FAM221A: variants seen among roughly 807,000 people sequenced by gnomAD.
The protein encoded by FAM221A is family with sequence similarity 221 member A.
Under a neutral mutation model 37.6 loss-of-function variants are expected in FAM221A, and 43 were observed. The ratio of observed to expected loss-of-function variants is 1.15; its 90% CI spans 0.90 to 1.48. FAM221A has a LOEUF of 1.48. Among genes scored for constraint, FAM221A ranks in the 40% most tolerant of loss-of-function variants. FAM221A has a pLI of 0.00. For synonymous variants in FAM221A, 135 were observed against 132.9 expected (o/e 1.02, Z -0.11); for missense variants, 361 against 361.5 (o/e 1.00, Z 0.01).
At chr7:23,689,159 A>G in intron 2 of FAM221A, 110 bp from the exon 3 acceptor site, 1 of 670,776 alleles carries the variant, frequency 1.5e-6, no homozygotes, top group Non-Finnish European at 2.3e-6. Flanking sequence ...ATGAAGAATA[A>G]TAAAGCAATA....
chr7:23,680,244 G>C lies in FAM221A; in HGVS notation c.26G>C (p.Gly9Ala). The C allele has an allele frequency of 2.6e-6, 4 of 1,549,402 alleles. No individual in the cohort carries two copies. The highest frequency in any genetic ancestry group is 3.5e-6 in the Non-Finnish European group (4 of 1,146,078). MERLTLPL[G>A]GAAAVDEYLE... ...ATGGAGCGGTTGACGTTGCCTCTCG[G>C]CGGCGCGGCGGCGGTGGACGAGTAC... The change falls in exon 1 of 7, where the codon GGC becomes GCC. Residue 9 changes from glycine to alanine, a missense_variant. Physicochemically the swap from Gly to Ala is moderately conservative, Grantham distance 60. Transcript: ENST00000344962.
rs561482841 is a variant in FAM221A, at chr7:23,690,082, A to T, written c.430+623A>T. Among the ~76,000 whole-genome samples, 19 of 150,214 alleles carry T rather than the reference A, an allele frequency of 1.3e-4. 1 individual carries two copies. In the South Asian group the frequency reaches 2.3e-3, roughly 18 times the overall value. ...CTTATGGTGAAGTGTGTAATAAAACATTTTTAATGACAGTGGCAGGAATAA... is the reference window on the plus strand; with the variant it reads ...CTTATGGTGAAGTGTGTAATAAAACTTTTTTAATGACAGTGGCAGGAATAA... On this transcript the variant is annotated intron_variant, in intron 3 of 6. Transcript: ENST00000344962.
chr7:23,681,258 G>A (rs1212443707), intron 1 of FAM221A, among the ~76,000 whole-genome samples: 1 of 152,170 alleles, frequency 6.6e-6, no homozygotes, highest in African/African-American at 2.4e-5. Flanking sequence ...TTAGCCTCCA[G>A]TTCTCCAGAG....
At position 23,702,031 on chromosome 7, in the gene FAM221A, T is replaced by C. The variant is rs1284872880; in HGVS notation, c.829-65T>C. 2.6e-5 allele frequency: 29 copies of C among 1,134,180 alleles called. No homozygotes were observed. The East Asian group carries it at 7.9e-4, about 31-fold the overall frequency. 70.3% of individuals were successfully genotyped at this position (1,134,180 alleles called of 1,614,324 possible). On this transcript the variant is annotated intron_variant, in intron 6 of 6. Transcript: ENST00000344962. ...GTGACATGAATCTGAATGAGTTTTC[T>C]GCAAGTTTTTTTTCTTTAGAATGGT...
At chr7:23,701,325 C>T (rs1245700227) in intron 6 of FAM221A, among the ~76,000 whole-genome samples, 5 of 149,920 alleles carry the variant, frequency 3.3e-5, no homozygotes, top group Non-Finnish European at 4.4e-5. Flanking sequence ...CTGCAAGCTC[C>T]GCCTCCCGGG....
rs375353549 is a variant in FAM221A at position 23,698,235 on chromosome 7, A to G, written c.681A>G (p.Val227=). The G allele has an allele frequency of 1.9e-5, 31 of 1,599,684 alleles. No homozygotes were observed. In the African/African-American group the frequency reaches 4.0e-4, roughly 21 times the overall value. The change falls in exon 5 of 7, where the codon GTA becomes GTG. Residue 227 remains valine, a synonymous_variant. Transcript: ENST00000344962. ...VEFLESPITA[V]DSPFLKAFQA... is the part of the protein sequence containing the mutation. ...TTTTAGAATCTCCCATTACGGCAGT[A>G]GACAGCCCATTCCTAAAAGCATTTC...
At chr7:23,690,068 G>T (rs1784622360) in intron 3 of FAM221A, among the ~76,000 whole-genome samples, 1 of 150,670 alleles carries the variant, frequency 6.6e-6, no homozygotes, top group Non-Finnish European at 1.5e-5. Context: ...TTATGGTGAA[G>T]TGTGTAATAA....
rs1562528738 is a variant in FAM221A at position 23,698,203 on chromosome 7, G to T, written c.649G>T (p.Val217Phe). Residue 217 changes from valine (V) to phenylalanine (F), a missense_variant, in exon 5 of 7, where the codon GTT becomes TTT. By Grantham distance (50) the Val-to-Phe change is conservative. Coordinates refer to ENST00000344962, the MANE Select transcript of FAM221A (RefSeq NM_199136.5). ...TATTGTTTTCTCAGGTGTACCTTCAGTTGAATTTTTAGAATCTCCCATTAC... is the reference window on the plus strand; with the variant it reads ...TATTGTTTTCTCAGGTGTACCTTCATTTGAATTTTTAGAATCTCCCATTAC... ...LDDSGIGVPS[V>F]EFLESPITAV... 3.2e-6 allele frequency: 5 copies of T among 1,569,632 alleles called. No homozygotes were observed. Among genetic ancestry groups the T allele is most frequent in the Non-Finnish European group, 4.4e-6 (5 of 1,145,124 alleles).
Position 23,692,562 on chromosome 7 carries a change from G to A in FAM221A, c.637+966G>A, listed in dbSNP as rs1056220517. The stretch of plus-strand genomic sequence containing the variant: ...TCTCCATGTTGGTCAGGCTGGTCTC[G>A]AACTCCTGACCTCAGGTGATCTGCC... On this transcript the variant is annotated intron_variant, in intron 4 of 6. Transcript: ENST00000344962. 12 of 564,482 alleles carry A rather than the reference G, an allele frequency of 2.1e-5. No individual in the cohort carries two copies. The South Asian group carries it at 4.8e-4, about 22-fold the overall frequency. 35.0% of individuals were successfully genotyped at this position (564,482 alleles called of 1,614,324 possible). A position where few individuals can be genotyped will look rare whatever the true frequency, so the allele number is the denominator to read the frequency against.
intron 2 of FAM221A, among the ~76,000 whole-genome samples, chr7:23,685,519 T>C (rs1303140152): frequency 6.6e-6 from 1 of 152,142 alleles, no homozygotes; most frequent in African/African-American, 2.4e-5. Flanking sequence ...AGAGAATGGG[T>C]CATCAGATTG....
chr7:23,692,716 A>G, intron 4 of FAM221A: 1 of 983,658 alleles, frequency 1.0e-6, no homozygotes, highest in Non-Finnish European at 1.2e-6. Context: ...ATTAAGTGCA[A>G]AACACCCTTG....
At chr7:23,701,086 T>C (rs1409878216) in intron 6 of FAM221A, among the ~76,000 whole-genome samples, 2 of 152,192 alleles carry the variant, frequency 1.3e-5, no homozygotes, top group African/African-American at 2.4e-5. Flanking sequence ...CCATAAAGAT[T>C]GGATAAATAC....
At chr7:23,690,314 C>T (rs549804424) in intron 3 of FAM221A, among the ~76,000 whole-genome samples, 3 of 150,678 alleles carry the variant, frequency 2.0e-5, no homozygotes, top group Non-Finnish European at 4.4e-5. Flanking sequence ...AAGTGATGCT[C>T]CTGCCTCAGC....
rs1162135423 is a variant in FAM221A at position 23,689,253 on chromosome 7, C to T, written c.240-16C>T. The T allele has an allele frequency of 6.7e-7, 1 of 1,493,972 alleles. No homozygotes were observed. The highest frequency in any genetic ancestry group is 1.4e-5 in the African/African-American group (1 of 73,300). 92.5% of individuals were successfully genotyped at this position (1,493,972 alleles called of 1,614,324 possible). On this transcript the variant is annotated splice_polypyrimidine_tract_variant and intron_variant, in intron 2 of 6. Transcript: ENST00000344962. ...CTGTATTGTGTTTATATTTCTCTCT[C>T]TTTCTCCTTTTTTAGGTATAAACAA...
chr7:23,703,054 G>C (rs1238209042), downstream of FAM221A: 1 of 152,158 alleles, frequency 6.6e-6, no homozygotes, highest in African/African-American at 2.4e-5. Flanking sequence ...GTGCTCTCCC[G>C]TCTGTTGGGA....
chr7:23,689,181 A>G, intron 2 of FAM221A, 88 bp from the exon 3 acceptor site: 1 of 866,800 alleles, frequency 1.2e-6, no homozygotes. Context: ...TAATTAAAAA[A>G]TCATATCTGC....
At position 23,702,123 on chromosome 7, in the gene FAM221A, A is replaced by G. The variant is rs1368655920; in HGVS notation, c.856A>G (p.Lys286Glu). 1.9e-6 allele frequency: 3 copies of G among 1,601,828 alleles called. No homozygotes were observed. The African/African-American group carries it at 4.0e-5, about 21-fold the overall frequency. The change falls in exon 7 of 7, where the codon AAA becomes GAA. Residue 286 changes from lysine (K) to glutamate (E), a missense_variant. Coordinates refer to ENST00000344962, the MANE Select transcript of FAM221A (RefSeq NM_199136.5). Reference protein sequence around the residue: ...RMKMEKAAKWKGKAPLPSATK... With the variant: ...RMKMEKAAKWEGKAPLPSATK... Reference sequence around the variant, plus strand: ...GAAAATGGAAAAGGCTGCTAAGTGGAAAGGAAAAGCTCCATTGCCATCAGC... The same window carrying G: ...GAAAATGGAAAAGGCTGCTAAGTGGGAAGGAAAAGCTCCATTGCCATCAGC...
chr7:23,687,246 G>A (rs2128038893), intron 2 of FAM221A: 1 of 152,414 alleles, frequency 6.6e-6, no homozygotes, highest in East Asian at 1.9e-4. Flanking sequence ...GTTCTCCGGA[G>A]CTGTGAGGGA....
chr7:23,697,065 C>T (rs1785104524), intron 4 of FAM221A, among the ~76,000 whole-genome samples: 2 of 152,148 alleles, frequency 1.3e-5, no homozygotes, highest in Non-Finnish European at 2.9e-5. Context: ...TCGGAGCAAG[C>T]ATGAGGCTAC....
Sources: gnomAD v4.1 joint callset for allele counts (sites outside exome capture counted in the v4.1 genomes callset) on GRCh38, gnomAD v4.1.1 for gene constraint, MANE v1.5 for transcripts, NCBI Gene and HGNC (gene_info 2026-07-23, HGNC 2026-07-21) for gene names.